The following ADK variants were observed in gnomAD, a reference collection of about 807,000 sequenced individuals.
The protein encoded by ADK is N6,N6-dimethyladenosine kinase.
Under a neutral mutation model 44.7 loss-of-function variants are expected in ADK, and 24 were observed. That is an observed-to-expected ratio of 0.54 (90% CI 0.39 to 0.76). The LOEUF (loss-of-function observed/expected upper bound fraction) is 0.76, where lower values mean the gene tolerates loss of function less well. ADK is among the 30% of genes least tolerant of loss of function. The pLI, the probability that ADK is intolerant of heterozygous loss-of-function variation, is 0.00. For synonymous variants in ADK, 128 were observed against 142.6 expected, an observed-to-expected ratio of 0.90 and a Z score of 0.73; for missense variants, 321 against 425.1, an observed-to-expected ratio of 0.76 and a Z score of 2.15.
At chr10:74,535,460 C>T (rs1849417322) in intron 7 of ADK, among the ~76,000 whole-genome samples, 1 of 151,504 alleles carries the variant, frequency 6.6e-6, no homozygotes, top group Admixed American at 6.6e-5. Context: ...AAGACCCTGT[C>T]TAAAAATAAA....
chr10:74,183,173 G>A (rs1842625277), intron 1 of ADK, among the ~76,000 whole-genome samples: 1 of 152,142 alleles, frequency 6.6e-6, no homozygotes, highest in Non-Finnish European at 1.5e-5. Flanking sequence ...GAGCTCAAGT[G>A]ATCCACCTGC....
intron 7 of ADK, among the ~76,000 whole-genome samples, chr10:74,538,025 G>A (rs1236260588): frequency 6.6e-6 from 1 of 152,126 alleles, no homozygotes; most frequent in African/African-American, 2.4e-5. Flanking sequence ...GGGAGACCAA[G>A]GTGGGCAGAT....
At chr10:74,708,153 G>GAA (rs35480343) in intron 10 of ADK, among the ~76,000 whole-genome samples, 168 bp from the exon 11 acceptor site, 262 of 132,650 alleles carry the variant, frequency 2.0e-3, no homozygotes, top group Middle Eastern at 3.9e-3. Context: ...CCATCTCGGG[G>GAA]AAAAAAAAAA....
chr10:74,257,821 A>T (rs1845884429), intron 3 of ADK, among the ~76,000 whole-genome samples: 1 of 152,250 alleles, frequency 6.6e-6, no homozygotes, highest in African/African-American at 2.4e-5. Flanking sequence ...AGCAATGAAC[A>T]TTACAGTGAG....
chr10:74,303,585 G>GTTTTTTTTTTTTTTTTTTTTTTT lies in ADK; in HGVS notation c.195-11080_195-11079insTTTTTTTTTTTTTTTTTTTTTTT, dbSNP rs1282565148. Among the ~76,000 whole-genome samples the GTTTTTTTTTTTTTTTTTTTTTTT allele has an allele frequency of 3.1e-3, 198 of 64,644 alleles. 55 individuals are homozygous for GTTTTTTTTTTTTTTTTTTTTTTT. Among genetic ancestry groups the GTTTTTTTTTTTTTTTTTTTTTTT allele is most frequent in the South Asian group, 5.4e-3 (11 of 2,024 alleles). The allele number at this position is 64,644 out of a possible 152,430, so 42.4% of individuals were successfully genotyped here. A position where few individuals can be genotyped will look rare whatever the true frequency, so the allele number is the denominator to read the frequency against. ...AAACACTTTTCATATTGGTTTTAAT[G>GTTTTTTTTTTTTTTTTTTTTTTT]TTGTTTTTTTTTTTTTTTTTTTTTT... On this transcript the variant is annotated intron_variant, in intron 3 of 10. Transcript: ENST00000539909.
chr10:74,322,198 C>T (rs1033903083), intron 4 of ADK, among the ~76,000 whole-genome samples: 3 of 152,042 alleles, frequency 2.0e-5, no homozygotes, highest in Non-Finnish European at 4.4e-5. Flanking sequence ...TCGGAACAGT[C>T]CAGATGTAAA....
At chr10:74,604,877 A>G (rs1320208950) in intron 9 of ADK, among the ~76,000 whole-genome samples, 1 of 152,202 alleles carries the variant, frequency 6.6e-6, no homozygotes, top group African/African-American at 2.4e-5. Flanking sequence ...CCTATCCGTG[A>G]GCATGGAATG....
rs912407843 is a variant in ADK at position 74,200,452 on chromosome 10, C to A, written c.66-312C>A. On this transcript the variant is annotated intron_variant, in intron 1 of 10. Coordinates refer to ENST00000539909, the MANE Select transcript of ADK (RefSeq NM_006721.4). ...TGAGCTGAGATTGCACCATTGCACTCCGGCCTGGGCGACAAGAGCGAAACT... is the reference window on the plus strand; with the variant it reads ...TGAGCTGAGATTGCACCATTGCACTACGGCCTGGGCGACAAGAGCGAAACT... Among the ~76,000 whole-genome samples the A allele has an allele frequency of 2.7e-5, 4 of 150,030 alleles. No individual in the cohort carries two copies. In the South Asian group the frequency reaches 8.5e-4, roughly 32 times the overall value.
chr10:74,393,347 A>G (rs889970783), intron 4 of ADK, among the ~76,000 whole-genome samples: 2 of 152,206 alleles, frequency 1.3e-5, no homozygotes, highest in Non-Finnish European at 2.9e-5. Context: ...AGCTAATTAT[A>G]AAAGGTAAAA....
chr10:74,393,162 T>C (rs751834646), intron 4 of ADK, among the ~76,000 whole-genome samples: 8 of 152,184 alleles, frequency 5.3e-5, no homozygotes, highest in Non-Finnish European at 8.8e-5. Flanking sequence ...CAAATATGCA[T>C]GTATTTCTTT....
At chr10:74,257,167 A>T (rs907351933) in intron 3 of ADK, among the ~76,000 whole-genome samples, 1 of 148,542 alleles carries the variant, frequency 6.7e-6, no homozygotes, top group Non-Finnish European at 1.5e-5. Flanking sequence ...TTCAGTATAC[A>T]TGGGCGGGTG....
chr10:74,423,272 C>T (rs188319145), intron 6 of ADK, among the ~76,000 whole-genome samples: 1 of 152,192 alleles, frequency 6.6e-6, no homozygotes. Context: ...TGGAATAACT[C>T]ACTCTGGCCT....
chr10:74,427,725 G>GTA (rs372381491), intron 6 of ADK, among the ~76,000 whole-genome samples: 3 of 87,370 alleles, frequency 3.4e-5, no homozygotes, highest in African/African-American at 9.1e-5. Flanking sequence ...ATATGTATAT[G>GTA]TATGTGTGTG....
intron 4 of ADK, among the ~76,000 whole-genome samples, chr10:74,324,863 C>G (rs368857970): frequency 7.9e-5 from 12 of 152,268 alleles, no homozygotes; most frequent in African/African-American, 2.9e-4. Flanking sequence ...TTCCCATCAG[C>G]AGTGTACAGG....
At chr10:74,192,233 A>G (rs576269337) in intron 1 of ADK, among the ~76,000 whole-genome samples, 1 of 142,672 alleles carries the variant, frequency 7.0e-6, no homozygotes, top group Non-Finnish European at 1.5e-5. Flanking sequence ...TCTTTCTTTT[A>G]TTTGTTTTTT....
intron 9 of ADK, among the ~76,000 whole-genome samples, chr10:74,623,465 A>T (rs1853071468): frequency 6.6e-6 from 1 of 152,122 alleles, no homozygotes; most frequent in South Asian, 2.1e-4. Flanking sequence ...GAAAATGTCC[A>T]TATATGATCT....
chr10:74,684,098 G>C (rs1244555858), intron 10 of ADK, among the ~76,000 whole-genome samples: 2 of 152,192 alleles, frequency 1.3e-5, no homozygotes, highest in Non-Finnish European at 2.9e-5. Flanking sequence ...ATTGTCATCT[G>C]TCAGGGTTGT....
In ADK at chr10:74,200,756, T is replaced by G; in HGVS notation, c.66-8T>G. On this transcript the variant is annotated splice_polypyrimidine_tract_variant and splice_region_variant and intron_variant, in intron 1 of 10. Coordinates refer to ENST00000539909, the MANE Select transcript of ADK (RefSeq NM_006721.4). ...AGTATTTCTAACTTGTGTTTTGTGT[T>G]TTTTTAGAGAAAATATTCTCTTTGG... is the stretch of plus-strand genomic sequence containing the variant. The G allele has an allele frequency of 5.0e-6, 8 of 1,600,826 alleles. No homozygotes were observed. Among genetic ancestry groups the G allele is most frequent in the Non-Finnish European group, 6.8e-6 (8 of 1,168,780 alleles).
rs375103590 is a variant in ADK, at chr10:74,212,644, G to A, written c.140+11806G>A. Among the ~76,000 whole-genome samples, 39 of 152,280 alleles carry A rather than the reference G, an allele frequency of 2.6e-4. 1 individual carries two copies. The highest frequency in any genetic ancestry group is 6.8e-3 in the Middle Eastern group (2 of 294). ...CTGGCTACTGAGCTTGAAATCTCTC[G>A]TGCCTCTATTATTGGCAATGGAGAG... On this transcript the variant is annotated intron_variant, in intron 2 of 10. Transcript: ENST00000539909.
Sources: allele counts gnomAD v4.1 joint callset (sites outside exome capture counted in the v4.1 genomes callset), GRCh38; gene constraint gnomAD v4.1.1; transcripts MANE v1.5; gene names NCBI Gene and HGNC (gene_info 2026-07-23, HGNC 2026-07-21).